The following TTBK2 variants were observed in gnomAD, a reference collection of about 807,000 sequenced individuals.
The protein encoded by TTBK2 is tau tubulin kinase 2.
Under a neutral mutation model 110.8 loss-of-function variants are expected in TTBK2, and 28 were observed. The observed-to-expected ratio is 0.25, with a 90% CI of 0.19 to 0.35. The LOEUF (loss-of-function observed/expected upper bound fraction) is 0.35, where lower values mean the gene tolerates loss of function less well. Ranked by LOEUF, TTBK2 falls within the 10% of genes least tolerant of loss-of-function variation. The pLI is 1.00. For missense variants in TTBK2, 1,369 were observed against 1,500.3 expected, an observed-to-expected ratio of 0.91 and a Z score of 1.45; for synonymous variants, 532 against 527.3, an observed-to-expected ratio of 1.01 and a Z score of -0.12.
chr15:42,755,781 T>C (rs1321285911), intron 13 of TTBK2, among the ~76,000 whole-genome samples: 3 of 152,204 alleles, frequency 2.0e-5, no homozygotes, highest in Non-Finnish European at 4.4e-5. Flanking sequence ...AATCTAAAAT[T>C]TATAGTAATT....
In TTBK2 at chr15:42,745,752, AG is replaced by A; in HGVS notation, c.*42del. The A allele has an allele frequency of 6.2e-7, 1 of 1,608,134 alleles. No homozygotes were observed. Among genetic ancestry groups the A allele is most frequent in the African/African-American group, 1.3e-5 (1 of 74,926 alleles). ...ACAGGGACACACATGCATCAGGTTT[AG>A]GAGGAAGATCTCACACCTTTCAAAG... On this transcript the variant is annotated 3_prime_UTR_variant, in exon 15 of 15. Coordinates refer to ENST00000267890, the MANE Select transcript of TTBK2 (RefSeq NM_173500.4).
chr15:42,898,170 A>G (rs1895741653), intron 1 of TTBK2, among the ~76,000 whole-genome samples: 1 of 152,170 alleles, frequency 6.6e-6, no homozygotes, highest in South Asian at 2.1e-4. Flanking sequence ...CAACTCCTCA[A>G]ATGAGTAATC....
chr15:42,816,099 T>A (rs1475960590), intron 7 of TTBK2, among the ~76,000 whole-genome samples: 15 of 121,420 alleles, frequency 1.2e-4, no homozygotes, highest in African/African-American at 5.0e-4. Context: ...TATATATATA[T>A]ATATATATAT....
At chr15:42,907,784 A>T (rs1843248508) in intron 1 of TTBK2, among the ~76,000 whole-genome samples, 1 of 151,924 alleles carries the variant, frequency 6.6e-6, no homozygotes, top group Non-Finnish European at 1.5e-5. Context: ...CAATTAAAAA[A>T]TTTTTTTGGC....
chr15:42,772,889 T>C (rs1490902823), intron 13 of TTBK2, among the ~76,000 whole-genome samples: 1 of 152,124 alleles, frequency 6.6e-6, no homozygotes, highest in Non-Finnish European at 1.5e-5. Flanking sequence ...GAGACCAGTC[T>C]GGGCAACATG....
At chr15:42,800,953 G>C (rs1891166374) in intron 9 of TTBK2, 2 of 740,490 alleles carry the variant, frequency 2.7e-6, no homozygotes, top group African/African-American at 3.4e-5. Context: ...GGGACAGGCT[G>C]GGAGGGGCTT....
intron 1 of TTBK2, among the ~76,000 whole-genome samples, chr15:42,892,603 G>A (rs1297109934): frequency 2.7e-5 from 4 of 150,650 alleles, no homozygotes; most frequent in African/African-American, 9.8e-5. Flanking sequence ...CTACTCAGAA[G>A]GCTGAGGTGG....
chr15:42,753,394 A>G, intron 13 of TTBK2, 147 bp from the exon 14 acceptor site: 2 of 817,074 alleles, frequency 2.4e-6, no homozygotes, highest in Non-Finnish European at 3.8e-6. Context: ...AAAATGAACA[A>G]TTCTGAATAA....
chr15:42,906,049 G>A lies in TTBK2; in HGVS notation c.-68+14389C>T, dbSNP rs142566786. On this transcript the variant is annotated intron_variant, in intron 1 of 14. Coordinates refer to ENST00000267890, the MANE Select transcript of TTBK2 (RefSeq NM_173500.4). ...ACTAAAAATACAAAATTAGCTGGGC[G>A]TGGTAGTGCATGCCTGTAATCCCAG... is the stretch of plus-strand genomic sequence containing the variant. Among the ~76,000 whole-genome samples the A allele has an allele frequency of 2.5e-4, 38 of 152,218 alleles. 1 individual carries two copies. Among genetic ancestry groups the A allele is most frequent in the Admixed American group, 1.8e-3 (28 of 15,294 alleles).
chr15:42,865,548 C>T (rs1894341103), intron 3 of TTBK2, among the ~76,000 whole-genome samples: 1 of 148,860 alleles, frequency 6.7e-6, no homozygotes, highest in Non-Finnish European at 1.5e-5. Context: ...AGGCTGGGCA[C>T]AGTCGTGCAC....
intron 10 of TTBK2, among the ~76,000 whole-genome samples, chr15:42,790,450 A>G (rs1890610903): frequency 6.6e-6 from 1 of 151,578 alleles, no homozygotes. Flanking sequence ...ACACCCAGCT[A>G]ATTTTTGTAT....
intron 7 of TTBK2, among the ~76,000 whole-genome samples, chr15:42,812,665 T>C (rs980420810): frequency 3.3e-5 from 5 of 152,148 alleles, no homozygotes; most frequent in African/African-American, 1.2e-4. Flanking sequence ...TAGAAAAAAG[T>C]ATCCCAGGAT....
chr15:42,840,825 T>G (rs1893191386), intron 3 of TTBK2, among the ~76,000 whole-genome samples: 1 of 152,234 alleles, frequency 6.6e-6, no homozygotes, highest in East Asian at 1.9e-4. Flanking sequence ...TCAGATATGT[T>G]ATGGTACTCA....
rs534991202 is a variant in TTBK2, at chr15:42,764,804, T to A, written c.1998+10331A>T. ...CTCGGAGAATGGACAGACTGCCTCC[T>A]CAAGTGGGTCCCTGACACCCGTGTA... is the stretch of plus-strand genomic sequence containing the variant. On this transcript the variant is annotated intron_variant, in intron 13 of 14. Transcript: ENST00000267890. Among the ~76,000 whole-genome samples, 177 of 152,334 alleles carry A rather than the reference T, an allele frequency of 1.2e-3. 1 individual carries two copies. Among genetic ancestry groups the A allele is most frequent in the African/African-American group, 4.0e-3 (166 of 41,574 alleles).
Position 42,887,691 on chromosome 15 carries a change from C to T in TTBK2, c.-67-9007G>A, listed in dbSNP as rs536483586. 1.8e-4 allele frequency among the ~76,000 whole-genome samples: 27 copies of T among 152,262 alleles called. No individual in the cohort carries two copies. The East Asian group carries it at 4.6e-3, about 26-fold the overall frequency. On this transcript the variant is annotated intron_variant, in intron 1 of 14. Transcript: ENST00000267890. ...TACACTCTCCTATCCTAAATACCTC[C>T]CTCCACAACCCATTATTCTGTTCTA...
chr15:42,856,632 A>G (rs901434088), intron 3 of TTBK2, among the ~76,000 whole-genome samples: 1 of 152,218 alleles, frequency 6.6e-6, no homozygotes, highest in African/African-American at 2.4e-5. Context: ...TCACTTTGGG[A>G]GGCCGAAACA....
chr15:42,774,745 C>G (rs1271028621), intron 13 of TTBK2, among the ~76,000 whole-genome samples: 1 of 152,194 alleles, frequency 6.6e-6, no homozygotes, highest in African/African-American at 2.4e-5. Context: ...GGCCTCCCAA[C>G]AGTGTACAGT....
In TTBK2 at chr15:42,745,604, C is replaced by CTTG; in HGVS notation, c.*190_*191insCAA. On this transcript the variant is annotated 3_prime_UTR_variant, in exon 15 of 15. Coordinates refer to ENST00000267890, the MANE Select transcript of TTBK2 (RefSeq NM_173500.4). ...CCTTCTTGTACAAAGACATTGATTC[C>CTTG]TAATCTACTTGCTGCCTGCCTTAGG... 1 of 703,414 alleles carries CTTG rather than the reference C, an allele frequency of 1.4e-6. No homozygotes were observed. The highest frequency in any genetic ancestry group is 2.3e-5 in the Admixed American group (1 of 42,960). 43.6% of individuals were successfully genotyped at this position (703,414 alleles called of 1,614,324 possible). A position where few individuals can be genotyped will look rare whatever the true frequency, so the allele number is the denominator to read the frequency against.
At chr15:42,891,035 A>AT (rs1297034896) in intron 1 of TTBK2, among the ~76,000 whole-genome samples, 2 of 151,604 alleles carry the variant, frequency 1.3e-5, no homozygotes, top group Admixed American at 6.6e-5. Context: ...CGCCCGGCTA[A>AT]TTTTTTTGTA....
Sources: allele counts gnomAD v4.1 joint callset (sites outside exome capture counted in the v4.1 genomes callset), GRCh38; gene constraint gnomAD v4.1.1; transcripts MANE v1.5; gene names NCBI Gene and HGNC (gene_info 2026-07-23, HGNC 2026-07-21).